Variants in DNAH14 observed in about 807,000 individuals in gnomAD.
DNAH14 encodes axonemal beta dynein heavy chain 14.
DNAH14 carries 478 observed loss-of-function variants against 520.9 expected under a neutral mutation model. That is an observed-to-expected ratio of 0.92 (90% CI 0.85 to 0.99). The LOEUF (loss-of-function observed/expected upper bound fraction) is 0.99. Ranked by LOEUF, DNAH14 falls within the 50% of genes least tolerant of loss-of-function variation. The pLI is 0.00. For synonymous variants in DNAH14, 1,581 were observed against 1,757.2 expected, an observed-to-expected ratio of 0.90 and a Z score of 2.51; for missense variants, 4,831 against 5,234.5, an observed-to-expected ratio of 0.92 and a Z score of 2.38.
intron 1 of DNAH14, among the ~76,000 whole-genome samples, chr1:224,951,925 C>T (rs754836851): frequency 4.6e-5 from 7 of 152,204 alleles, no homozygotes; most frequent in Non-Finnish European, 8.8e-5. Flanking sequence ...AGGCGTGAGC[C>T]ACGGCGCCCG....
chr1:225,286,241 T>C (rs1045218470), intron 54 of DNAH14, among the ~76,000 whole-genome samples: 2 of 152,188 alleles, frequency 1.3e-5, no homozygotes, highest in Admixed American at 6.5e-5. Context: ...TTTGCAGCAC[T>C]GTAGGCTGAA....
intron 38 of DNAH14, among the ~76,000 whole-genome samples, chr1:225,203,478 T>C (rs140155463): frequency 2.0e-4 from 30 of 152,276 alleles, no homozygotes; most frequent in African/African-American, 7.0e-4. Context: ...AGCTCTATTA[T>C]TTGGTTTTCT....
intron 36 of DNAH14, among the ~76,000 whole-genome samples, chr1:225,172,618 A>G (rs937590210): frequency 6.6e-6 from 1 of 152,250 alleles, no homozygotes; most frequent in Non-Finnish European, 1.5e-5. Context: ...AAAAGAGGAT[A>G]CAAACAAATG....
At chr1:225,020,699 C>A (rs1160322379) in intron 10 of DNAH14, among the ~76,000 whole-genome samples, 2 of 151,980 alleles carry the variant, frequency 1.3e-5, no homozygotes, top group Non-Finnish European at 2.9e-5. Context: ...AAACCAATAA[C>A]AGCCTTGGAC....
rs188232763 is a variant in DNAH14, at chr1:225,227,977, A to T, written c.6440-3096A>T. 3.5e-3 allele frequency among the ~76,000 whole-genome samples: 534 copies of T among 152,288 alleles called. 4 individuals carry two copies. Among genetic ancestry groups the T allele is most frequent in the African/African-American group, 0.012 (517 of 41,570 alleles). On this transcript the variant is annotated intron_variant, in intron 41 of 85. Transcript: ENST00000682510. ...CACCTCATGTATCACTAATTACAGT[A>T]TATCTAGTTAAAATATTACTAGTGT...
At chr1:225,205,568 GT>G (rs2087443639) in intron 39 of DNAH14, among the ~76,000 whole-genome samples, 1 of 152,164 alleles carries the variant, frequency 6.6e-6, no homozygotes, top group Non-Finnish European at 1.5e-5. Flanking sequence ...TTTAAACTCT[GT>G]TTGATTATTT....
chr1:225,043,248 A>AGT, intron 13 of DNAH14, 134 bp downstream of exon 13: 1 of 437,430 alleles, frequency 2.3e-6, no homozygotes, highest in Non-Finnish European at 3.8e-6. Context: ...TGGGCAACAC[A>AGT]GTGAGACCTT....
chr1:225,240,873 T>A, intron 43 of DNAH14, 51 bp downstream of exon 43: 1 of 1,261,810 alleles, frequency 7.9e-7, no homozygotes, highest in Non-Finnish European at 1.1e-6. Flanking sequence ...AATATTAATT[T>A]AAAGCAATGC....
intron 17 of DNAH14, among the ~76,000 whole-genome samples, chr1:225,070,390 A>T (rs559465113): frequency 6.6e-6 from 1 of 152,284 alleles, no homozygotes; most frequent in South Asian, 2.1e-4. Flanking sequence ...TGTCTCAGAG[A>T]TTCTGGTACA....
In DNAH14 at chr1:225,075,812, G is replaced by T. The variant is rs771656702; in HGVS notation, c.2425-3395G>T. On this transcript the variant is annotated intron_variant, in intron 17 of 85. Transcript: ENST00000682510. ...GTTTTCCTAATGATTTTTTATCCTT[G>T]TGGCCATGCTTTGGTGTCTGTGCAT... Among the ~76,000 whole-genome samples the T allele has an allele frequency of 2.3e-4, 35 of 152,270 alleles. 1 individual carries two copies. Among genetic ancestry groups the T allele is most frequent in the Middle Eastern group, 3.4e-3 (1 of 294 alleles).
At chr1:225,324,701 T>A (rs1481644188) in intron 63 of DNAH14, 36 bp from the exon 64 acceptor site, 6 of 949,612 alleles carry the variant, frequency 6.3e-6, no homozygotes, top group South Asian at 4.7e-5. Flanking sequence ...AAACCCGACG[T>A]TTTTGACACT....
At chr1:225,165,371 C>G (rs1281975743) in intron 35 of DNAH14, among the ~76,000 whole-genome samples, 1 of 151,868 alleles carries the variant, frequency 6.6e-6, no homozygotes, top group Non-Finnish European at 1.5e-5. Context: ...TTAATATATA[C>G]TCTTTTATTT....
rs780053567 is a variant in DNAH14, at chr1:225,043,008, G to A, written c.1662G>A (p.Met554Ile). 1 of 1,551,796 alleles carries A rather than the reference G, an allele frequency of 6.4e-7. No homozygotes were observed. The highest frequency in any genetic ancestry group is 1.2e-5 in the South Asian group (1 of 84,056). ...PEECVMFEDE[M>I]SENKDNCVKK... ...AGTGTGTGATGTTTGAAGATGAAAT[G>A]TCAGAAAATAAAGACAATTGTGTCA... is the stretch of plus-strand genomic sequence containing the variant. The change falls in exon 13 of 86, where the codon ATG becomes ATA. Residue 554 changes from methionine (M) to isoleucine (I), a missense_variant. Physicochemically the swap from Met to Ile is conservative, Grantham distance 10 (BLOSUM62 1). Transcript: ENST00000682510.
At chr1:225,300,735 G>C (rs2094123382) in intron 55 of DNAH14, 134 bp from the exon 56 acceptor site, 1 of 939,434 alleles carries the variant, frequency 1.1e-6, no homozygotes, top group South Asian at 1.7e-5. Context: ...GGGGAGATTA[G>C]CTTTAAAAAA....
chr1:225,334,513 T>C (rs949548884), intron 66 of DNAH14, among the ~76,000 whole-genome samples: 1 of 151,502 alleles, frequency 6.6e-6, no homozygotes, highest in Non-Finnish European at 1.5e-5. Context: ...AAAAAAAAAA[T>C]TGTCTTGCTT....
chr1:224,992,002 A>T (rs1484891591), intron 8 of DNAH14, among the ~76,000 whole-genome samples: 1 of 152,136 alleles, frequency 6.6e-6, no homozygotes, highest in Non-Finnish European at 1.5e-5. Context: ...ACTATCCTTT[A>T]TCCATTGTGT....
intron 54 of DNAH14, among the ~76,000 whole-genome samples, chr1:225,287,866 T>C (rs1055738573): frequency 6.6e-6 from 1 of 152,080 alleles, no homozygotes; most frequent in Non-Finnish European, 1.5e-5. Context: ...CTAAAAGAGT[T>C]CACAGTGGCC....
intron 26 of DNAH14, among the ~76,000 whole-genome samples, chr1:225,120,573 T>G (rs1034172011): frequency 1.3e-5 from 2 of 152,246 alleles, no homozygotes; most frequent in African/African-American, 4.8e-5. Flanking sequence ...TTCCCAAGGT[T>G]GGTTCAGCCT....
chr1:225,304,785 C>T, intron 57 of DNAH14, 123 bp from the exon 58 acceptor site: 1 of 937,168 alleles, frequency 1.1e-6, no homozygotes, highest in Non-Finnish European at 1.5e-6. Context: ...TCCGGGAGCT[C>T]TCTCTACATC....
Sources: gnomAD v4.1 joint callset for allele counts (sites outside exome capture counted in the v4.1 genomes callset) on GRCh38, gnomAD v4.1.1 for gene constraint, MANE v1.5 for transcripts, NCBI Gene and HGNC (gene_info 2026-07-23, HGNC 2026-07-21) for gene names.